Variants in OTOGL observed in about 807,000 individuals in gnomAD.
The protein encoded by OTOGL is otogelin-like protein.
A neutral mutation model predicts 318.5 loss-of-function variants in OTOGL; 285 were observed. The ratio of observed to expected loss-of-function variants is 0.89; its 90% CI spans 0.81 to 0.99. The LOEUF (loss-of-function observed/expected upper bound fraction) is 0.99, where lower values mean the gene tolerates loss of function less well. Ranked by LOEUF, OTOGL falls within the 50% of genes least tolerant of loss-of-function variation. OTOGL has a pLI of 0.00. For synonymous variants in OTOGL, 987 were observed against 936.5 expected (o/e 1.05, Z -0.99); for missense variants, 2,899 against 2,845.6 (o/e 1.02, Z -0.43).
intron 1 of OTOGL, among the ~76,000 whole-genome samples, chr12:80,201,304 A>C (rs1876436458): frequency 6.6e-6 from 1 of 152,168 alleles, no homozygotes; most frequent in Non-Finnish European, 1.5e-5. Flanking sequence ...CAGGCTGTAC[A>C]AGAAGTGTGG....
intron 1 of OTOGL, among the ~76,000 whole-genome samples, chr12:80,148,958 A>T (rs1396551169): frequency 2.0e-5 from 3 of 151,866 alleles, no homozygotes; most frequent in East Asian, 3.9e-4. Context: ...CATTATTCTA[A>T]TTTTTTTTCA....
At chr12:80,173,616 C>A (rs981064975) in intron 1 of OTOGL, among the ~76,000 whole-genome samples, 1 of 152,160 alleles carries the variant, frequency 6.6e-6, no homozygotes, top group Admixed American at 6.5e-5. Context: ...ATTGTGCTGA[C>A]ATCCTATCTC....
chr12:80,110,168 C>T (rs1025967907), intron 1 of OTOGL, among the ~76,000 whole-genome samples: 12 of 150,680 alleles, frequency 8.0e-5, no homozygotes, highest in African/African-American at 1.7e-4. Flanking sequence ...CCCAGGTTCA[C>T]GCCATTCTCC....
rs1195714605 is a variant in OTOGL at position 80,232,500 on chromosome 12, A to G, written c.612-392A>G. Among the ~76,000 whole-genome samples the G allele has an allele frequency of 2.0e-5, 3 of 152,200 alleles. No homozygotes were observed. In the South Asian group the frequency reaches 6.2e-4, roughly 31 times the overall value. On this transcript the variant is annotated intron_variant, in intron 8 of 58. Coordinates refer to ENST00000547103, the MANE Select transcript of OTOGL (RefSeq NM_001378609.3). ...CAAAATTGTTGAGCAGCATTTTTAG[A>G]TCACTTTAACTCTCTAGATAAAAAA...
intron 1 of OTOGL, among the ~76,000 whole-genome samples, chr12:80,113,272 G>T (rs897692206): frequency 2.0e-5 from 3 of 152,022 alleles, no homozygotes; most frequent in African/African-American, 7.2e-5. Context: ...TCTGATTTTA[G>T]TTATTTCTTG....
chr12:80,234,709 G>A (rs1879683874), intron 9 of OTOGL, among the ~76,000 whole-genome samples: 1 of 152,092 alleles, frequency 6.6e-6, no homozygotes, highest in Non-Finnish European at 1.5e-5. Context: ...GTGTGAAAAT[G>A]TCTCTACATT....
rs1889799791 is a variant in OTOGL at position 80,355,224 on chromosome 12, C to CTTTCTTTTTTTT, written c.5594-509_5594-508insCTTTTTTTTTTT. 1.5e-4 allele frequency among the ~76,000 whole-genome samples: 10 copies of CTTTCTTTTTTTT among 65,600 alleles called. 2 individuals are homozygous for CTTTCTTTTTTTT. Among genetic ancestry groups the CTTTCTTTTTTTT allele is most frequent in the African/African-American group, 6.0e-4 (10 of 16,552 alleles). 43.0% of individuals were successfully genotyped at this position (65,600 alleles called of 152,430 possible). ...ACTTTTTTCTTTTCTTTCTTTCTTTCTTTTCTTTTTTTTTTTTTTTTTTTG... is the reference window on the plus strand; with the variant it reads ...ACTTTTTTCTTTTCTTTCTTTCTTTCTTTCTTTTTTTTTTTTCTTTTTTTTTTTTTTTTTTTG... On this transcript the variant is annotated intron_variant, in intron 46 of 58. Coordinates refer to ENST00000547103, the MANE Select transcript of OTOGL (RefSeq NM_001378609.3).
At chr12:80,317,796 G>C (rs1012441083) in intron 32 of OTOGL, among the ~76,000 whole-genome samples, 8 of 152,004 alleles carry the variant, frequency 5.3e-5, no homozygotes, top group African/African-American at 1.9e-4. Flanking sequence ...TGTAACATTT[G>C]TAACCATGGT....
chr12:80,143,641 C>G (rs1872101552), intron 1 of OTOGL, among the ~76,000 whole-genome samples: 1 of 152,026 alleles, frequency 6.6e-6, no homozygotes, highest in Admixed American at 6.6e-5. Flanking sequence ...GTGGAGTGCT[C>G]AAGTCAGAGG....
At chr12:80,290,401 A>G (rs887472435) in intron 26 of OTOGL, among the ~76,000 whole-genome samples, 12 of 151,794 alleles carry the variant, frequency 7.9e-5, no homozygotes, top group Admixed American at 7.2e-4. Context: ...CTGATGCTCC[A>G]TGTCTATGGA....
At chr12:80,272,008 TGAG>T (rs796566966) in intron 24 of OTOGL, among the ~76,000 whole-genome samples, 198 bp downstream of exon 24, 1 of 152,258 alleles carries the variant, frequency 6.6e-6, no homozygotes, top group African/African-American at 2.4e-5. Context: ...TACACTGAAT[TGAG>T]GAGAAAACTC....
chr12:80,178,410 T>G (rs1874687383), intron 1 of OTOGL, among the ~76,000 whole-genome samples: 1 of 152,152 alleles, frequency 6.6e-6, no homozygotes, highest in African/African-American at 2.4e-5. Context: ...ACCTCAGGTA[T>G]TATGTACTTC....
chr12:80,107,448 G>A (rs1349712129), intron 1 of OTOGL, among the ~76,000 whole-genome samples: 1 of 151,894 alleles, frequency 6.6e-6, no homozygotes. Flanking sequence ...GTGAAAAAAT[G>A]ACAGATGCTA....
chr12:80,177,266 A>G (rs544725348), intron 1 of OTOGL, among the ~76,000 whole-genome samples: 12 of 152,252 alleles, frequency 7.9e-5, no homozygotes, highest in Admixed American at 7.8e-4. Flanking sequence ...TTTAAGGTCC[A>G]CGACCCGTTT....
At chr12:80,110,609 T>C (rs995194553) in intron 1 of OTOGL, among the ~76,000 whole-genome samples, 1 of 152,222 alleles carries the variant, frequency 6.6e-6, no homozygotes, top group Non-Finnish European at 1.5e-5. Context: ...TGCATAGTAT[T>C]CCATGGTGTA....
chr12:80,142,615 T>G (rs907510183), intron 1 of OTOGL, among the ~76,000 whole-genome samples: 1 of 152,158 alleles, frequency 6.6e-6, no homozygotes, highest in Non-Finnish European at 1.5e-5. Context: ...GGAGATAATG[T>G]CTGTCCCTCA....
chr12:80,177,808 C>G (rs1171553022), intron 1 of OTOGL, among the ~76,000 whole-genome samples: 1 of 151,894 alleles, frequency 6.6e-6, no homozygotes, highest in African/African-American at 2.4e-5. Flanking sequence ...TTATATTTGT[C>G]CTTTTGAGGT....
At chr12:80,193,255 C>T (rs953430314) in intron 1 of OTOGL, among the ~76,000 whole-genome samples, 1 of 152,158 alleles carries the variant, frequency 6.6e-6, no homozygotes, top group African/African-American at 2.4e-5. Flanking sequence ...TAGTGGCTCA[C>T]ACCTGTAATC....
intron 45 of OTOGL, among the ~76,000 whole-genome samples, chr12:80,352,806 A>G (rs1889634664): frequency 6.6e-6 from 1 of 152,224 alleles, no homozygotes; most frequent in Non-Finnish European, 1.5e-5. Flanking sequence ...TTTTAATAGT[A>G]TGACTTTTTA....
Sources: allele counts gnomAD v4.1 joint callset (sites outside exome capture counted in the v4.1 genomes callset), GRCh38; gene constraint gnomAD v4.1.1; transcripts MANE v1.5; gene names NCBI Gene and HGNC (gene_info 2026-07-23, HGNC 2026-07-21).